SUPT16H: variants seen among roughly 807,000 people sequenced by gnomAD.
The protein encoded by SUPT16H is SPT16 homolog, facilitates chromatin remodeling subunit, also known as FACT complex subunit SPT16.
SUPT16H carries 24 observed loss-of-function variants against 136.2 expected under a neutral mutation model. The observed-to-expected ratio is 0.18, with a 90% CI of 0.13 to 0.25. The LOEUF is 0.25. Among genes scored for constraint, SUPT16H ranks in the 10% least tolerant of loss-of-function variants. SUPT16H has a pLI of 1.00. For missense variants in SUPT16H, 623 were observed against 1,270.2 expected (o/e 0.49, Z 7.74); for synonymous variants, 415 against 428.2 (o/e 0.97, Z 0.38).
rs138789951 is a variant in SUPT16H, at chr14:21,360,116, C to T, written c.2175+299G>A. Among the ~76,000 whole-genome samples, 12 of 152,318 alleles carry T rather than the reference C, an allele frequency of 7.9e-5. No homozygotes were observed. The East Asian group carries it at 2.1e-3, about 27-fold the overall frequency. ...GATCTCGGCTCACTGCAACTTCCGC[C>T]TCCCAGGTTCAAGCAATTTTCCTGC... On this transcript the variant is annotated intron_variant, in intron 18 of 25. Transcript: ENST00000216297.
intron 3 of SUPT16H, among the ~76,000 whole-genome samples, chr14:21,371,044 T>C (rs996604462): frequency 3.3e-5 from 5 of 151,924 alleles, no homozygotes; most frequent in Non-Finnish European, 7.4e-5. Flanking sequence ...TCCTGAATAA[T>C]TTTTGTATTT....
intron 8 of SUPT16H, 138 bp from the exon 9 acceptor site, chr14:21,365,281 G>C: frequency 1.3e-6 from 1 of 769,116 alleles, no homozygotes; most frequent in South Asian, 1.8e-5. Flanking sequence ...CGCTCAGTTA[G>C]AAAAGAGGAT....
intron 6 of SUPT16H, 76 bp from the exon 7 acceptor site, chr14:21,368,517 C>A: frequency 1.4e-6 from 2 of 1,422,720 alleles, no homozygotes; most frequent in Non-Finnish European, 1.9e-6. Context: ...GACACGGTAT[C>A]AATAATCATT....
At chr14:21,372,404 ACCT>A (rs766224868) in intron 2 of SUPT16H, 18 of 310,002 alleles carry the variant, frequency 5.8e-5, no homozygotes, top group Admixed American at 9.9e-5. Flanking sequence ...CTGCGTTATT[ACCT>A]CCTCAATTAC....
intron 7 of SUPT16H, among the ~76,000 whole-genome samples, chr14:21,367,789 G>C (rs8021793): frequency 0.049 from 7,411 of 152,284 alleles, 297 homozygotes; most frequent in African/African-American, 0.11. Flanking sequence ...ACTCATGCTT[G>C]AAAGAAATGC....
In SUPT16H at chr14:21,362,765, A is replaced by G. The variant is rs773680451; in HGVS notation, c.1665+29T>C. Reference sequence around the variant, plus strand: ...ATTACTATTTTAAGCAACAGTTTGGATGAAACCTGATGCACTGAATGTCAG... The same window carrying G: ...ATTACTATTTTAAGCAACAGTTTGGGTGAAACCTGATGCACTGAATGTCAG... On this transcript the variant is annotated intron_variant, in intron 14 of 25. Coordinates refer to ENST00000216297, the MANE Select transcript of SUPT16H (RefSeq NM_007192.4). 7.6e-5 allele frequency: 120 copies of G among 1,572,026 alleles called. 1 individual carries two copies. In the South Asian group the frequency reaches 1.4e-3, roughly 18 times the overall value.
At position 21,359,357 on chromosome 14, in the gene SUPT16H, A is replaced by G. The variant is rs905748252; in HGVS notation, c.2301+127T>C. On this transcript the variant is annotated intron_variant, in intron 19 of 25. Transcript: ENST00000216297. Reference sequence around the variant, plus strand: ...GTGATCTGCCCATGTTGGCCTCCCAAAGTGCTGGGATTACAGGCGCGAGTC... The same window carrying G: ...GTGATCTGCCCATGTTGGCCTCCCAGAGTGCTGGGATTACAGGCGCGAGTC... 14 of 1,365,026 alleles carry G rather than the reference A, an allele frequency of 1.0e-5. No individual in the cohort carries two copies. The African/African-American group carries it at 1.4e-4, about 14-fold the overall frequency. The allele number at this position is 1,365,026 out of a possible 1,614,324, so 84.6% of individuals were successfully genotyped here. A position where few individuals can be genotyped will look rare whatever the true frequency, so the allele number is the denominator to read the frequency against.
intron 2 of SUPT16H, chr14:21,372,486 A>G: frequency 3.1e-6 from 1 of 321,398 alleles, no homozygotes; most frequent in East Asian, 8.5e-5. Context: ...TCAGGTAAGT[A>G]TGGTCATTAG....
chr14:21,383,563 G>C (rs975560340), intron 1 of SUPT16H: 24 of 689,490 alleles, frequency 3.5e-5, no homozygotes, highest in Non-Finnish European at 6.1e-5. Flanking sequence ...CACGGAGTAG[G>C]AGGGAAGGAT....
At chr14:21,368,178 C>CA (rs1886711320) in intron 7 of SUPT16H, 91 bp downstream of exon 7, 10 of 1,353,506 alleles carry the variant, frequency 7.4e-6, no homozygotes, top group Middle Eastern at 2.7e-4. Context: ...CTCGGCCTCC[C>CA]AGTGTAGGGA....
rs141324007 is a variant in SUPT16H, at chr14:21,364,714, C to G, written c.1233+113G>C. Reference sequence around the variant, plus strand: ...AGCTGCATTAGGTTAGGCTGTCACACGGATTCTTCCCCTTAGCTAGCATTT... The same window carrying G: ...AGCTGCATTAGGTTAGGCTGTCACAGGGATTCTTCCCCTTAGCTAGCATTT... On this transcript the variant is annotated intron_variant, in intron 10 of 25. Transcript: ENST00000216297. The G allele has an allele frequency of 9.5e-6, 8 of 837,724 alleles. No homozygotes were observed. In the African/African-American group the frequency reaches 1.4e-4, roughly 14 times the overall value. 51.9% of individuals were successfully genotyped at this position (837,724 alleles called of 1,614,324 possible).
At chr14:21,381,132 AG>A (rs1292815337) in intron 1 of SUPT16H, among the ~76,000 whole-genome samples, 2 of 152,086 alleles carry the variant, frequency 1.3e-5, no homozygotes, top group African/African-American at 4.8e-5. Flanking sequence ...GTACGTTCTA[AG>A]GTCTCCTGTT....
intron 1 of SUPT16H, among the ~76,000 whole-genome samples, chr14:21,382,305 G>C (rs997475082): frequency 6.6e-6 from 1 of 152,132 alleles, no homozygotes; most frequent in African/African-American, 2.4e-5. Flanking sequence ...TGTCATTAAG[G>C]TAGTAAGAGG....
At chr14:21,378,727 T>C (rs1230920320) in intron 1 of SUPT16H, among the ~76,000 whole-genome samples, 1 of 152,218 alleles carries the variant, frequency 6.6e-6, no homozygotes, top group Non-Finnish European at 1.5e-5. Flanking sequence ...GAAATAGCAG[T>C]ATATATAGAT....
At chr14:21,362,457 T>C in intron 14 of SUPT16H, 133 bp from the exon 15 acceptor site, 2 of 893,466 alleles carry the variant, frequency 2.2e-6, no homozygotes, top group East Asian at 2.9e-5. Flanking sequence ...TAAATTTACA[T>C]AATTTATCTT....
chr14:21,361,058 T>G lies in SUPT16H; in HGVS notation c.1929+20A>C. 1.2e-6 allele frequency: 2 copies of G among 1,612,362 alleles called. No homozygotes were observed. Among genetic ancestry groups the G allele is most frequent in the Non-Finnish European group, 1.7e-6 (2 of 1,179,374 alleles). On this transcript the variant is annotated intron_variant, in intron 16 of 25. Transcript: ENST00000216297. ...ATGTCCTTCTTTGTGTAAGAATGTT[T>G]TGCCTGTGTTCAGGCTCACCTCCTT...
chr14:21,383,630 G>A (rs1887095334), intron 1 of SUPT16H: 1 of 706,986 alleles, frequency 1.4e-6, no homozygotes, highest in Middle Eastern at 2.4e-4. Context: ...CATGACCAAG[G>A]CTGGCACGCG....
At chr14:21,381,768 C>T (rs540518469) in intron 1 of SUPT16H, among the ~76,000 whole-genome samples, 2 of 144,868 alleles carry the variant, frequency 1.4e-5, no homozygotes, top group African/African-American at 2.5e-5. Context: ...CACCACCATG[C>T]CTGGTTAATT....
chr14:21,355,011 TC>T (rs748622202), intron 22 of SUPT16H: 3 of 153,210 alleles, frequency 2.0e-5, no homozygotes, highest in Non-Finnish European at 2.9e-5. Flanking sequence ...GCTTTCTCCT[TC>T]ACCTGAGTCT....
Sources: gnomAD v4.1 joint callset for allele counts (sites outside exome capture counted in the v4.1 genomes callset) on GRCh38, gnomAD v4.1.1 for gene constraint, MANE v1.5 for transcripts, NCBI Gene and HGNC (gene_info 2026-07-23, HGNC 2026-07-21) for gene names.